DPP10: variants seen among roughly 807,000 people sequenced by gnomAD.
The protein encoded by DPP10 is inactive dipeptidyl peptidase 10.
In DPP10, 33 loss-of-function variants were observed where a neutral mutation model predicts 120.9. The ratio of observed to expected loss-of-function variants is 0.27; its 90% CI spans 0.21 to 0.37. The LOEUF (loss-of-function observed/expected upper bound fraction) is 0.37. DPP10 is among the 10% of genes least tolerant of loss of function. DPP10 has a pLI of 1.00. For missense variants in DPP10, 816 were observed against 942.8 expected, an observed-to-expected ratio of 0.87 and a Z score of 1.76; for synonymous variants, 337 against 326.1, an observed-to-expected ratio of 1.03 and a Z score of -0.36.
At chr2:115,360,408 C>A (rs1242343724) in intron 3 of DPP10, among the ~76,000 whole-genome samples, 1 of 152,150 alleles carries the variant, frequency 6.6e-6, no homozygotes, top group South Asian at 2.1e-4. Context: ...ATAGCTAGAT[C>A]TCTACATTGT....
At chr2:114,564,785 C>T (rs184943960) in intron 1 of DPP10, among the ~76,000 whole-genome samples, 1 of 152,224 alleles carries the variant, frequency 6.6e-6, no homozygotes, top group Admixed American at 6.5e-5. Context: ...ATCTCAGGAA[C>T]GATTTCTGTT....
rs17043434 is a variant in DPP10, at chr2:114,728,057, A to G, written c.60+285219A>G. On this transcript the variant is annotated intron_variant, in intron 1 of 25. Transcript: ENST00000410059. ...CTGTGTAAATAATAATCAGTGTTTCATCTTCAGGCTTTTCCTTCTTCTCTT... is the reference window on the plus strand; with the variant it reads ...CTGTGTAAATAATAATCAGTGTTTCGTCTTCAGGCTTTTCCTTCTTCTCTT... Among the ~76,000 whole-genome samples, 1,447 of 152,314 alleles carry G rather than the reference A, an allele frequency of 9.5e-3. 19 individuals carry two copies. The highest frequency in any genetic ancestry group is 0.033 in the African/African-American group (1,383 of 41,568).
At chr2:115,458,745 A>G (rs2073784139) in intron 3 of DPP10, among the ~76,000 whole-genome samples, 1 of 152,162 alleles carries the variant, frequency 6.6e-6, no homozygotes, top group Non-Finnish European at 1.5e-5. Context: ...AGAAAGAAAA[A>G]TGACTTTTTA....
intron 5 of DPP10, among the ~76,000 whole-genome samples, chr2:115,654,525 T>C (rs1188479241): frequency 6.6e-6 from 1 of 151,878 alleles, no homozygotes; most frequent in African/African-American, 2.4e-5. Context: ...GCATGCCAAA[T>C]TGGCATTGTG....
intron 3 of DPP10, among the ~76,000 whole-genome samples, chr2:115,443,372 A>C (rs903444122): frequency 6.6e-6 from 1 of 152,172 alleles, no homozygotes; most frequent in Non-Finnish European, 1.5e-5. Flanking sequence ...GAGATAAACA[A>C]CTCATGGACT....
intron 1 of DPP10, among the ~76,000 whole-genome samples, chr2:115,001,257 T>A: frequency 6.6e-6 from 1 of 152,308 alleles, no homozygotes; most frequent in Middle Eastern, 3.4e-3. Context: ...AAAGTTAATA[T>A]CCATTGAGAT....
chr2:114,458,913 A>T (rs1678722125), intron 1 of DPP10, among the ~76,000 whole-genome samples: 1 of 152,198 alleles, frequency 6.6e-6, no homozygotes, highest in Non-Finnish European at 1.5e-5. Context: ...GTTATAATGA[A>T]TAGATCAACA....
intron 1 of DPP10, among the ~76,000 whole-genome samples, chr2:114,734,852 T>C (rs903350506): frequency 2.0e-5 from 3 of 152,174 alleles, no homozygotes; most frequent in Admixed American, 6.6e-5. Flanking sequence ...ACAGACTAGA[T>C]GAGTTAAATA....
chr2:115,164,993 C>G (rs1456348366), intron 1 of DPP10, among the ~76,000 whole-genome samples: 2 of 152,188 alleles, frequency 1.3e-5, no homozygotes, highest in African/African-American at 2.4e-5. Context: ...GTTGCTTTCA[C>G]AACACTCCAC....
At chr2:114,960,561 A>G (rs1698538032) in intron 1 of DPP10, among the ~76,000 whole-genome samples, 1 of 152,142 alleles carries the variant, frequency 6.6e-6, no homozygotes, top group Non-Finnish European at 1.5e-5. Flanking sequence ...TGAAAAAACT[A>G]AAATATAATT....
chr2:114,992,191 G>T (rs902580111), intron 1 of DPP10, among the ~76,000 whole-genome samples: 5 of 152,154 alleles, frequency 3.3e-5, no homozygotes, highest in African/African-American at 1.2e-4. Context: ...TGTCACAAAG[G>T]AAAGATCTTC....
chr2:115,774,209 T>TACGC (rs1357366784), intron 13 of DPP10, among the ~76,000 whole-genome samples: 5 of 147,522 alleles, frequency 3.4e-5, no homozygotes, highest in Non-Finnish European at 6.0e-5. Flanking sequence ...AAAACACACA[T>TACGC]ACACACACAC....
At chr2:115,404,305 C>T (rs924609093) in intron 3 of DPP10, among the ~76,000 whole-genome samples, 6 of 152,102 alleles carry the variant, frequency 3.9e-5, no homozygotes, top group African/African-American at 1.4e-4. Flanking sequence ...AAAACACTCA[C>T]TATTGCAAGG....
At chr2:115,666,958 A>G (rs2089504037) in intron 5 of DPP10, among the ~76,000 whole-genome samples, 1 of 152,060 alleles carries the variant, frequency 6.6e-6, no homozygotes, top group African/African-American at 2.4e-5. Flanking sequence ...TCTGACTGGT[A>G]TGAGATGACT....
intron 1 of DPP10, among the ~76,000 whole-genome samples, chr2:115,297,747 C>T (rs1322593118): frequency 1.3e-5 from 2 of 152,044 alleles, no homozygotes; most frequent in African/African-American, 4.8e-5. Flanking sequence ...TTAGGCAGAA[C>T]TTTAGTTCTA....
chr2:115,531,702 T>C (rs2078475872), intron 5 of DPP10, among the ~76,000 whole-genome samples: 1 of 152,120 alleles, frequency 6.6e-6, no homozygotes. Context: ...GGAGCTTGCA[T>C]ATACTATGAA....
intron 3 of DPP10, among the ~76,000 whole-genome samples, chr2:115,381,974 T>G (rs2066412205): frequency 6.6e-6 from 1 of 152,112 alleles, no homozygotes; most frequent in African/African-American, 2.4e-5. Flanking sequence ...GACAGGGACA[T>G]TTACGTCTGC....
chr2:115,385,114 CT>C (rs1253266605), intron 3 of DPP10, among the ~76,000 whole-genome samples: 6 of 152,186 alleles, frequency 3.9e-5, no homozygotes, highest in African/African-American at 1.4e-4. Context: ...ACCTCTTGTT[CT>C]CCCCATTCTC....
At chr2:115,166,618 CAA>C (rs1162433333) in intron 1 of DPP10, among the ~76,000 whole-genome samples, 2 of 122,946 alleles carry the variant, frequency 1.6e-5, no homozygotes, top group African/African-American at 6.5e-5. Flanking sequence ...GAACATACAA[CAA>C]ATATCTCTTG....
Sources: allele counts gnomAD v4.1 joint callset (sites outside exome capture counted in the v4.1 genomes callset), GRCh38; gene constraint gnomAD v4.1.1; transcripts MANE v1.5; gene names NCBI Gene and HGNC (gene_info 2026-07-23, HGNC 2026-07-21).